ISLR2: variants seen among roughly 807,000 people sequenced by gnomAD.
The protein encoded by ISLR2 is immunoglobulin superfamily containing leucine rich repeat 2.
Under a neutral mutation model 25.5 loss-of-function variants are expected in ISLR2, and 16 were observed. The ratio of observed to expected loss-of-function variants is 0.63; its 90% CI spans 0.43 to 0.95. The LOEUF (loss-of-function observed/expected upper bound fraction) is 0.95. Ranked by LOEUF, ISLR2 falls within the 40% of genes least tolerant of loss-of-function variation. The probability of loss-of-function intolerance (pLI) is 0.00; values close to 1 mark genes in which losing one functional copy is unlikely to be tolerated. For missense variants in ISLR2, 883 were observed against 1,030.7 expected (o/e 0.86, Z 1.96); for synonymous variants, 508 against 486.6 (o/e 1.04, Z -0.58).
chr15:74,134,230 T>C lies in ISLR2; in HGVS notation c.1476T>C (p.Asp492=), dbSNP rs779436046. ...HVFELGVIAL[D]VAEREARVQL... is the part of the protein sequence containing the mutation. ...TCGAGCTGGGCGTCATCGCGCTGGA[T>C]GTGGCGGAGCGCGAGGCGCGGGTGC... is the stretch of plus-strand genomic sequence containing the variant. The change falls in exon 3 of 3, where the codon GAT becomes GAC. Residue 492 remains aspartate, a synonymous_variant. Transcript: ENST00000453268. The C allele has an allele frequency of 4.4e-6, 7 of 1,600,312 alleles. No homozygotes were observed. In the Admixed American group the frequency reaches 1.2e-4, roughly 27 times the overall value.
chr15:74,111,590 C>CCA (rs1567154276), intron 2 of ISLR2, among the ~76,000 whole-genome samples: 1 of 145,292 alleles, frequency 6.9e-6, no homozygotes, highest in Non-Finnish European at 1.5e-5. Flanking sequence ...TGCCAGGCCT[C>CCA]TATTCATTCA....
downstream of ISLR2, among the ~76,000 whole-genome samples, chr15:74,137,293 G>A (rs1386816211): frequency 6.6e-6 from 1 of 152,206 alleles, no homozygotes; most frequent in African/African-American, 2.4e-5. Context: ...GCTTGCACAA[G>A]AGAAGTCACA....
In ISLR2 at chr15:74,132,807, G is replaced by C. The variant is rs1304063016; in HGVS notation, c.53G>C (p.Gly18Ala). 1.2e-6 allele frequency: 2 copies of C among 1,613,996 alleles called. No individual in the cohort carries two copies. The highest frequency in any genetic ancestry group is 1.7e-6 in the Non-Finnish European group (2 of 1,179,974). ...GTCTGGGCGCTTCTAGGAGTGGCCG[G>C]ATCATGCCCGGAGCCGTGCGCCTGC... ...WLVWALLGVAGSCPEPCACVD... is the reference protein window; with the variant it reads ...WLVWALLGVAASCPEPCACVD... The change falls in exon 3 of 3, where the codon GGA becomes GCA. Residue 18 changes from glycine to alanine, a missense_variant. This residue lies in a region of ISLR2 where 271 missense variants were observed against 387.9 expected (regional missense o/e 0.70). Coordinates refer to ENST00000453268, the MANE Select transcript of ISLR2 (RefSeq NM_020851.3). The surrounding 1 kb of genome is among the most constrained non-coding windows in gnomAD (Gnocchi z 4.3).
upstream of ISLR2, chr15:74,127,945 A>G (rs1320558386): frequency 6.2e-6 from 1 of 160,352 alleles, no homozygotes; most frequent in African/African-American, 2.4e-5. Flanking sequence ...CAGATTCTGA[A>G]TCTGGGACCC....
At chr15:74,113,307 C>T (rs1461207603) in intron 2 of ISLR2, among the ~76,000 whole-genome samples, 4 of 152,152 alleles carry the variant, frequency 2.6e-5, no homozygotes, top group East Asian at 1.9e-4. Context: ...CACACCACCA[C>T]ACCCAACTCA....
Position 74,134,176 on chromosome 15 carries a change from C to T in ISLR2, c.1422C>T (p.Asn474=), listed in dbSNP as rs202125367. The part of the protein sequence containing the change: ...PSRYVSNHAF[N]QSAELKPHVF... ...GGTACGTTTCTAACCACGCGTTCAA[C>T]CAGAGCGCAGAGCTCAAGCCGCACG... The change falls in exon 3 of 3, where the codon AAC becomes AAT. Residue 474 remains asparagine (N), a synonymous_variant. Transcript: ENST00000453268. The T allele has an allele frequency of 1.1e-5, 18 of 1,612,666 alleles. No individual in the cohort carries two copies. The Admixed American group carries it at 2.3e-4, about 21-fold the overall frequency.
chr15:74,102,672 T>C (rs1410613714), intron 1 of ISLR2, among the ~76,000 whole-genome samples: 1 of 151,950 alleles, frequency 6.6e-6, no homozygotes, highest in Non-Finnish European at 1.5e-5. Context: ...TTTGAGACCA[T>C]GGTTTGAAAA....
chr15:74,129,405 C>A (rs561946803), upstream of ISLR2: 76 of 198,788 alleles, frequency 3.8e-4, 3 homozygotes, highest in South Asian at 1.6e-4. This position sits in a 1 kb window ranked among gnomAD's most constrained non-coding sequence, Gnocchi z 4.5. Context: ...CCACGGAAGC[C>A]CCAAACCCTC....
intron 2 of ISLR2, among the ~76,000 whole-genome samples, chr15:74,111,138 TAAAAAA>T (rs764782225): frequency 3.3e-5 from 2 of 60,696 alleles, no homozygotes; most frequent in Admixed American, 2.1e-4. Flanking sequence ...AGACTCCATC[TAAAAAA>T]AAAAAAAAAA....
rs1372001150 is a variant in ISLR2 at position 74,132,795 on chromosome 15, T to C, written c.41T>C (p.Leu14Pro). Residue 14 changes from leucine (L) to proline (P), a missense_variant, in exon 3 of 3, where the codon CTA becomes CCA. Around this residue, in one of 2 missense-constraint regions of ISLR2, gnomAD observed 271 missense variants for 387.9 expected, o/e 0.70. Coordinates refer to ENST00000453268, the MANE Select transcript of ISLR2 (RefSeq NM_020851.3). The surrounding 1 kb of genome is among the most constrained non-coding windows in gnomAD (Gnocchi z 4.3). ...GCCCTGTGGTTGGTCTGGGCGCTTCTAGGAGTGGCCGGATCATGCCCGGAG... is the reference window on the plus strand; with the variant it reads ...GCCCTGTGGTTGGTCTGGGCGCTTCCAGGAGTGGCCGGATCATGCCCGGAG... ...LRALWLVWALLGVAGSCPEPC... is the reference protein window; with the variant it reads ...LRALWLVWALPGVAGSCPEPC... 1.2e-6 allele frequency: 2 copies of C among 1,613,964 alleles called. No homozygotes were observed. The highest frequency in any genetic ancestry group is 1.3e-5 in the African/African-American group (1 of 74,938).
At chr15:74,130,208 G>C (rs1017360928), upstream of ISLR2, 3 of 145,802 alleles carry the variant, frequency 2.1e-5, no homozygotes, top group Non-Finnish European at 3.0e-5. Flanking sequence ...AGCAGGCGGG[G>C]CGGGGGGGTT....
intron 2 of ISLR2, among the ~76,000 whole-genome samples, chr15:74,118,014 C>G (rs1262782364): frequency 6.6e-6 from 1 of 152,182 alleles, no homozygotes; most frequent in East Asian, 1.9e-4. Context: ...TCGCTAGTGT[C>G]TGCTGGCATA....
chr15:74,130,430 C>G (rs2072383537), upstream of ISLR2: 1 of 152,218 alleles, frequency 6.6e-6, no homozygotes, highest in African/African-American at 2.4e-5. Flanking sequence ...CGAAGTCTGT[C>G]GGTGCCACCG....
In ISLR2 at chr15:74,134,358, CG is replaced by C. The variant is rs750461351; in HGVS notation, c.1610del (p.Gly537AlafsTer10). The C allele has an allele frequency of 6.3e-7, 1 of 1,597,450 alleles. No individual in the cohort carries two copies. The part of the protein sequence containing the change: ...RPLRLLYLCP[A>X]GGGAAVQWSR... ...CTGCGCCTACTCTATCTGTGTCCAG[CG>C]GGGGGCGGCGCGGCAGTGCAGTGGT... On this transcript the variant is annotated frameshift_variant, in exon 3 of 3. Transcript: ENST00000453268. LOFTEE classifies it high-confidence loss of function.
At chr15:74,119,667 A>T (rs979750551) in intron 2 of ISLR2, among the ~76,000 whole-genome samples, 3 of 152,256 alleles carry the variant, frequency 2.0e-5, no homozygotes, top group Admixed American at 6.5e-5. Context: ...AATTAACTTG[A>T]TTTAATCATT....
chr15:74,102,438 G>A (rs1428107146), intron 1 of ISLR2, among the ~76,000 whole-genome samples: 1 of 141,312 alleles, frequency 7.1e-6, no homozygotes, highest in Non-Finnish European at 1.5e-5. Flanking sequence ...TGGGTGGTGC[G>A]CCCTTTTAAT....
intron 2 of ISLR2, among the ~76,000 whole-genome samples, chr15:74,111,448 C>A (rs1274778597): frequency 6.6e-6 from 1 of 151,952 alleles, no homozygotes; most frequent in Non-Finnish European, 1.5e-5. Context: ...CACCATCATG[C>A]CTGGCTAATT....
At chr15:74,126,827 G>A (rs1001760570), upstream of ISLR2, 1 of 152,696 alleles carries the variant, frequency 6.5e-6, no homozygotes, top group African/African-American at 2.4e-5. Flanking sequence ...CTTCCCTGAG[G>A]AGTGATCTTT....
chr15:74,141,124 C>T (rs779163983), downstream of ISLR2, among the ~76,000 whole-genome samples: 2 of 152,092 alleles, frequency 1.3e-5, no homozygotes, highest in South Asian at 2.1e-4. Flanking sequence ...AAAGACAGGA[C>T]GATTTTGAAA....
Sources: gnomAD v4.1 joint callset for allele counts (sites outside exome capture counted in the v4.1 genomes callset) on GRCh38, gnomAD v4.1.1 for gene constraint, gnomAD v4.1.1 regional missense constraint, Gnocchi (gnomAD v3.1) non-coding constraint, MANE v1.5 for transcripts, NCBI Gene and HGNC (gene_info 2026-07-23, HGNC 2026-07-21) for gene names.